Variants in WRAP53 observed in about 807,000 individuals in gnomAD.
WRAP53 encodes WD repeat containing antisense to TP53, also known as telomerase Cajal body protein 1.
WRAP53 carries 28 observed loss-of-function variants against 56.6 expected under a neutral mutation model. The ratio of observed to expected loss-of-function variants is 0.50; its 90% CI spans 0.37 to 0.68. The LOEUF (loss-of-function observed/expected upper bound fraction) is 0.68. Ranked by LOEUF, WRAP53 falls within the 30% of genes least tolerant of loss-of-function variation. The pLI is 0.00. For synonymous variants in WRAP53, 283 were observed against 283.4 expected, an observed-to-expected ratio of 1.00 and a Z score of 0.01; for missense variants, 671 against 715.5, an observed-to-expected ratio of 0.94 and a Z score of 0.71.
In WRAP53 at chr17:7,689,085, T is replaced by C; in HGVS notation, c.431+6T>C. The stretch of plus-strand genomic sequence containing the variant: ...GCAGAGGACGAGGGAGACACGTAAG[T>C]GGTGATGGCAGTGGAGTGTGGAGTC... On this transcript the variant is annotated splice_donor_region_variant and intron_variant, in intron 2 of 10. Coordinates refer to ENST00000396463, the MANE Select transcript of WRAP53 (RefSeq NM_001143992.2). The C allele has an allele frequency of 1.9e-6, 3 of 1,614,000 alleles. No homozygotes were observed. Among genetic ancestry groups the C allele is most frequent in the South Asian group, 1.1e-5 (1 of 91,078 alleles).
intron 2 of WRAP53, 67 bp from the exon 3 acceptor site, chr17:7,689,157 C>T (rs1251689457): frequency 1.2e-6 from 2 of 1,613,220 alleles, no homozygotes; most frequent in African/African-American, 2.7e-5. Context: ...TCCTGAGACC[C>T]ACTTCTCCAG....
Position 7,703,029 on chromosome 17 carries a change from G to A in WRAP53, c.1305G>A (p.Gly435=). 1.9e-6 allele frequency: 3 copies of A among 1,614,118 alleles called. No homozygotes were observed. Among genetic ancestry groups the A allele is most frequent in the Non-Finnish European group, 2.5e-6 (3 of 1,180,032 alleles). The change falls in exon 10 of 11, where the codon GGG becomes GGA. Residue 435 remains glycine, a synonymous_variant. Transcript: ENST00000396463. ...GQFLVSGSTS[G]AVSVWDTDGP... Reference sequence around the variant, plus strand: ...TCCTAGTGAGTGGCAGCACGAGCGGGGCTGTCTCTGTGTGGGACACGGACG... The same window carrying A: ...TCCTAGTGAGTGGCAGCACGAGCGGAGCTGTCTCTGTGTGGGACACGGACG...
chr17:7,697,870 C>CTTT (rs35262309), intron 4 of WRAP53, among the ~76,000 whole-genome samples: 8,738 of 143,776 alleles, frequency 0.061, 661 homozygotes, highest in African/African-American at 0.17. Flanking sequence ...ACAATAGACA[C>CTTT]TTTTTTTTTT....
chr17:7,688,353 C>A (rs1226142786), upstream of WRAP53: 2 of 487,766 alleles, frequency 4.1e-6, no homozygotes, highest in East Asian at 3.8e-5. Flanking sequence ...TTTCACGTCC[C>A]GGCTCCGCGG....
At position 7,702,095 on chromosome 17, in the gene WRAP53, C is replaced by A; in HGVS notation, c.956-249C>A. 2 of 704,234 alleles carry A rather than the reference C, an allele frequency of 2.8e-6. No individual in the cohort carries two copies. Among genetic ancestry groups the A allele is most frequent in the South Asian group, 1.6e-5 (1 of 63,184 alleles). 43.6% of individuals were successfully genotyped at this position (704,234 alleles called of 1,614,324 possible). On this transcript the variant is annotated intron_variant, in intron 7 of 10. Transcript: ENST00000396463. This position sits in a 1 kb window ranked among gnomAD's most constrained non-coding sequence, Gnocchi z 5.0. ...AAAGCTGATTCCGTTTTCCTGTAGG[C>A]CTTCAACTTGCATCTCTCCAAGGAA...
chr17:7,703,472 G>T lies in WRAP53; in HGVS notation c.1633G>T (p.Gly545Cys). Reference sequence around the variant, plus strand: ...GCAGGGAGGAACGGAGGGAGGTGTGGGTGAGCTGATATAAAAAGGTTTTTA... The same window carrying T: ...GCAGGGAGGAACGGAGGGAGGTGTGTGTGAGCTGATATAAAAAGGTTTTTA... The part of the protein sequence containing the change: ...KGQGGTEGGV[G>C]ELI The change falls in exon 11 of 11, where the codon GGT becomes TGT. Residue 545 changes from glycine (G) to cysteine (C), a missense_variant. By Grantham distance (159) the Gly-to-Cys change is radical (BLOSUM62 -3). This residue lies in a region of WRAP53 where 107 missense variants were observed against 81.3 expected (regional missense o/e 1.32). Transcript: ENST00000396463. 6.2e-7 allele frequency: 1 copy of T among 1,613,586 alleles called. No homozygotes were observed. Among genetic ancestry groups the T allele is most frequent in the East Asian group, 2.2e-5 (1 of 44,838 alleles).
intron 4 of WRAP53, among the ~76,000 whole-genome samples, chr17:7,698,848 C>G (rs2074219870): frequency 6.6e-6 from 1 of 151,768 alleles, no homozygotes; most frequent in Non-Finnish European, 1.5e-5. Flanking sequence ...TGCATTCCAG[C>G]CTGGGCGACA....
chr17:7,695,761 T>G (rs991706196), intron 4 of WRAP53, among the ~76,000 whole-genome samples: 28 of 152,232 alleles, frequency 1.8e-4, no homozygotes, highest in African/African-American at 6.3e-4. Context: ...ATCTCCCTGT[T>G]CCTAACCCCT....
In WRAP53 at chr17:7,703,404, C is replaced by T. The variant is rs7640; in HGVS notation, c.1565C>T (p.Ala522Val). Residue 522 changes from alanine (A) to valine (V), a missense_variant, in exon 11 of 11, where the codon GCG (alanine) becomes GTG (valine). Physicochemically the swap from Ala to Val is moderately conservative, Grantham distance 64. Transcript: ENST00000396463. The part of the protein sequence containing the change: ...CRLQLWWCGG[A>V]PDSSIPDDHQ... ...CTTCAGCTCTGGTGGTGTGGGGGGG[C>T]GCCAGACTCCAGCATCCCTGATGAT... The T allele has an allele frequency of 2.2e-5, 36 of 1,613,244 alleles. No individual in the cohort carries two copies. The highest frequency in any genetic ancestry group is 8.8e-5 in the South Asian group (8 of 91,030).
At chr17:7,691,209 AAAAC>A (rs56358570) in intron 4 of WRAP53, among the ~76,000 whole-genome samples, 18,559 of 148,864 alleles carry the variant, frequency 0.12, 1,782 homozygotes, top group African/African-American at 0.27. Context: ...ACTCCATCCC[AAAAC>A]AAACAAACAA....
intron 4 of WRAP53, among the ~76,000 whole-genome samples, chr17:7,697,544 G>A (rs916876316): frequency 1.3e-5 from 2 of 150,676 alleles, no homozygotes; most frequent in African/African-American, 4.9e-5. Flanking sequence ...CTGTGGTCCC[G>A]GCTCCTTGGG....
intron 4 of WRAP53, among the ~76,000 whole-genome samples, chr17:7,694,669 C>T (rs913506326): frequency 2.0e-5 from 3 of 152,036 alleles, no homozygotes; most frequent in Admixed American, 6.6e-5. Context: ...CTTGGTAACA[C>T]AGCCAGATCC....
At chr17:7,698,827 G>A (rs2074219674) in intron 4 of WRAP53, among the ~76,000 whole-genome samples, 2 of 152,056 alleles carry the variant, frequency 1.3e-5, no homozygotes, top group Admixed American at 6.6e-5. Context: ...AGTGAGCCAA[G>A]ATTGTGCCAC....
chr17:7,699,476 T>TTATATATATATATATATA (rs1299417199), intron 4 of WRAP53, among the ~76,000 whole-genome samples: 1 of 11,396 alleles, frequency 8.8e-5, no homozygotes, highest in Non-Finnish European at 1.3e-4. Context: ...ATATATATAT[T>TTATATATATATATATATA]TATATATATA....
At chr17:7,698,337 A>G (rs1420668694) in intron 4 of WRAP53, among the ~76,000 whole-genome samples, 2 of 152,220 alleles carry the variant, frequency 1.3e-5, no homozygotes, top group African/African-American at 4.8e-5. Flanking sequence ...ATTCATGAGT[A>G]GAGTACTATA....
chr17:7,689,195 A>G (rs1301235854), intron 2 of WRAP53, 29 bp from the exon 3 acceptor site: 2 of 1,613,622 alleles, frequency 1.2e-6, no homozygotes, highest in East Asian at 2.2e-5. Flanking sequence ...TTGGCGACCC[A>G]GGTTTATTGT....
At position 7,703,399 on chromosome 17, in the gene WRAP53, G is replaced by T. The variant is rs577464512; in HGVS notation, c.1560G>T (p.Gly520=). 43 of 1,612,726 alleles carry T rather than the reference G, an allele frequency of 2.7e-5. No individual in the cohort carries two copies. In the South Asian group the frequency reaches 3.3e-4, roughly 12 times the overall value. The part of the protein sequence containing the change: ...LECRLQLWWC[G]GAPDSSIPDD... Reference sequence around the variant, plus strand: ...GTCGGCTTCAGCTCTGGTGGTGTGGGGGGGCGCCAGACTCCAGCATCCCTG... The same window carrying T: ...GTCGGCTTCAGCTCTGGTGGTGTGGTGGGGCGCCAGACTCCAGCATCCCTG... Residue 520 remains glycine (G), a synonymous_variant, in exon 11 of 11, where the codon GGG becomes GGT. Transcript: ENST00000396463.
rs553487444 is a variant in WRAP53, at chr17:7,696,594, G to A, written c.643-4147G>A. On this transcript the variant is annotated intron_variant, in intron 4 of 10. Transcript: ENST00000396463. The stretch of plus-strand genomic sequence containing the variant: ...ATTACTGGCGTGAGCCACTGCGCCC[G>A]GTCAGGACTCAGAGATTTTTATGGG... 7.2e-5 allele frequency among the ~76,000 whole-genome samples: 11 copies of A among 152,130 alleles called. No individual in the cohort carries two copies. The South Asian group carries it at 2.1e-3, about 29-fold the overall frequency.
chr17:7,688,348 C>T (rs1225295649), upstream of WRAP53: 4 of 474,272 alleles, frequency 8.4e-6, no homozygotes, highest in South Asian at 2.2e-5. Context: ...TAACCTTTCA[C>T]GTCCCGGCTC....
Sources: allele counts gnomAD v4.1 joint callset (sites outside exome capture counted in the v4.1 genomes callset), GRCh38; gene constraint gnomAD v4.1.1; regional missense constraint gnomAD v4.1.1; non-coding constraint Gnocchi (gnomAD v3.1); transcripts MANE v1.5; gene names NCBI Gene and HGNC (gene_info 2026-07-23, HGNC 2026-07-21).